The following QRICH1 variants were observed in gnomAD, a reference collection of about 807,000 sequenced individuals.
QRICH1 encodes the protein transcriptional regulator QRICH1.
Under a neutral mutation model 87.1 loss-of-function variants are expected in QRICH1, and 16 were observed. The ratio of observed to expected loss-of-function variants is 0.18; its 90% CI spans 0.12 to 0.28. The LOEUF is 0.28. Ranked by LOEUF, QRICH1 falls within the 10% of genes least tolerant of loss-of-function variation. The probability of loss-of-function intolerance (pLI) is 1.00; values close to 1 mark genes in which losing one functional copy is unlikely to be tolerated. For synonymous variants in QRICH1, 367 were observed against 368.4 expected, an observed-to-expected ratio of 1.00 and a Z score of 0.05; for missense variants, 647 against 951.7, an observed-to-expected ratio of 0.68 and a Z score of 4.21.
At chr3:49,052,943 G>C (rs1450439955) in intron 3 of QRICH1, among the ~76,000 whole-genome samples, 3 of 152,138 alleles carry the variant, frequency 2.0e-5, no homozygotes, top group Non-Finnish European at 4.4e-5. Flanking sequence ...TAAACATCAA[G>C]AACAGTAGTA....
chr3:49,043,251 T>C (rs1225723423), intron 6 of QRICH1, among the ~76,000 whole-genome samples: 1 of 148,502 alleles, frequency 6.7e-6, no homozygotes, highest in Non-Finnish European at 1.5e-5. Context: ...AATCCCAGCA[T>C]TTGGGAGGCC....
At chr3:49,032,294 C>A (rs1404523769) in intron 8 of QRICH1, 21 bp from the exon 9 acceptor site, 1 of 1,574,674 alleles carries the variant, frequency 6.4e-7, no homozygotes. Flanking sequence ...CACATCCCCA[C>A]CACCACAGAC....
At chr3:49,089,843 T>C (rs557910218) in intron 1 of QRICH1, among the ~76,000 whole-genome samples, 5 of 152,352 alleles carry the variant, frequency 3.3e-5, no homozygotes, top group African/African-American at 1.2e-4. Flanking sequence ...CAGCTGTCTG[T>C]ACGGCTTGAG....
At chr3:49,036,922 G>C (rs1216277677) in intron 6 of QRICH1, among the ~76,000 whole-genome samples, 1 of 151,764 alleles carries the variant, frequency 6.6e-6, no homozygotes, top group African/African-American at 2.4e-5. Flanking sequence ...AATTAAACAA[G>C]CATGATGGCA....
intron 2 of QRICH1, among the ~76,000 whole-genome samples, chr3:49,075,918 G>GA (rs1431819913): frequency 6.6e-6 from 1 of 152,030 alleles, no homozygotes; most frequent in Non-Finnish European, 1.5e-5. Context: ...GTGACAGAAT[G>GA]AGACTCTGTC....
intron 1 of QRICH1, among the ~76,000 whole-genome samples, chr3:49,078,971 C>T (rs2042005828): frequency 6.6e-6 from 1 of 152,016 alleles, no homozygotes; most frequent in Admixed American, 6.6e-5. Context: ...GGATTATAGA[C>T]GTGAGCCACC....
intron 2 of QRICH1, among the ~76,000 whole-genome samples, chr3:49,073,775 T>C (rs528468731): frequency 6.6e-6 from 1 of 151,764 alleles, no homozygotes; most frequent in African/African-American, 2.4e-5. Context: ...GCCTCCCTAG[T>C]AGCTAAGACC....
intron 9 of QRICH1, 112 bp from the exon 10 acceptor site, chr3:49,030,756 G>A (rs946778979): frequency 2.5e-5 from 23 of 933,074 alleles, no homozygotes; most frequent in Non-Finnish European, 3.4e-5. Flanking sequence ...AGTTATTGTG[G>A]CACAGCTACT....
intron 2 of QRICH1, among the ~76,000 whole-genome samples, chr3:49,070,649 G>A (rs1311612022): frequency 6.6e-6 from 1 of 152,028 alleles, no homozygotes; most frequent in Admixed American, 6.6e-5. Context: ...TTCCCAGCCT[G>A]GTCTCAAACT....
intron 9 of QRICH1, 61 bp downstream of exon 9, chr3:49,032,122 G>T: frequency 7.8e-7 from 1 of 1,284,364 alleles, no homozygotes; most frequent in Non-Finnish European, 1.1e-6. Context: ...ACACAAGTGA[G>T]CATGCACACG....
In QRICH1 at chr3:49,047,313, A is replaced by C. The variant is rs2093344324; in HGVS notation, c.1339-67T>G. The C allele has an allele frequency of 2.1e-6, 3 of 1,432,588 alleles. No homozygotes were observed. The East Asian group carries it at 6.9e-5, about 33-fold the overall frequency. 88.7% of individuals were successfully genotyped at this position (1,432,588 alleles called of 1,614,324 possible). Reference sequence around the variant, plus strand: ...TATTAGATCCTTCTGCAAAATTGCCAGAAAAATGTTATGTATAGTTCATTT... The same window carrying C: ...TATTAGATCCTTCTGCAAAATTGCCCGAAAAATGTTATGTATAGTTCATTT... On this transcript the variant is annotated intron_variant, in intron 3 of 9. Coordinates refer to ENST00000395443, the MANE Select transcript of QRICH1 (RefSeq NM_198880.3).
At chr3:49,060,962 C>T (rs1053219107) in intron 2 of QRICH1, among the ~76,000 whole-genome samples, 16 of 151,516 alleles carry the variant, frequency 1.1e-4, no homozygotes, top group African/African-American at 2.2e-4. Context: ...GAAACCCCAC[C>T]TCTACTTCTA....
At chr3:49,064,523 G>C (rs568156377) in intron 2 of QRICH1, among the ~76,000 whole-genome samples, 1 of 151,994 alleles carries the variant, frequency 6.6e-6, no homozygotes, top group African/African-American at 2.4e-5. Flanking sequence ...AAAGTGCTGA[G>C]ATTACAGGCA....
intron 2 of QRICH1, among the ~76,000 whole-genome samples, chr3:49,072,240 G>A (rs2041848722): frequency 6.6e-6 from 1 of 151,988 alleles, no homozygotes; most frequent in Admixed American, 6.6e-5. Context: ...CCAAAATAAT[G>A]CCACTGCACT....
At chr3:49,082,764 A>G (rs1269862992) in intron 1 of QRICH1, among the ~76,000 whole-genome samples, 2 of 151,712 alleles carry the variant, frequency 1.3e-5, no homozygotes, top group African/African-American at 4.8e-5. Context: ...GCGTGGTGGC[A>G]GGCGCCTGTA....
At chr3:49,047,416 A>G (rs1030307953) in intron 3 of QRICH1, among the ~76,000 whole-genome samples, 170 bp from the exon 4 acceptor site, 3 of 152,042 alleles carry the variant, frequency 2.0e-5, no homozygotes, top group Non-Finnish European at 1.5e-5. Flanking sequence ...CCCCAGGGAC[A>G]GCAAAAGCAG....
chr3:49,043,542 T>C (rs1206566858), intron 6 of QRICH1, among the ~76,000 whole-genome samples: 2 of 51,578 alleles, frequency 3.9e-5, no homozygotes, highest in Admixed American at 2.9e-4. Flanking sequence ...AAAACAAAAA[T>C]AGGCCAGGCA....
chr3:49,093,585 A>C (rs896863510), intron 1 of QRICH1: 33 of 152,466 alleles, frequency 2.2e-4, no homozygotes, highest in Middle Eastern at 3.1e-3. Flanking sequence ...CAGCTCCTAG[A>C]GCAGAGATAT....
chr3:49,080,966 CAAAAAAAA>C (rs34230924), intron 1 of QRICH1, among the ~76,000 whole-genome samples: 12 of 24,806 alleles, frequency 4.8e-4, no homozygotes, highest in South Asian at 3.0e-3. Flanking sequence ...AACTCCATCT[CAAAAAAAA>C]AAAAAAAAAA....
Sources: gnomAD v4.1 joint callset for allele counts (sites outside exome capture counted in the v4.1 genomes callset) on GRCh38, gnomAD v4.1.1 for gene constraint, MANE v1.5 for transcripts, NCBI Gene and HGNC (gene_info 2026-07-23, HGNC 2026-07-21) for gene names.